SPATA24: variants seen among roughly 807,000 people sequenced by gnomAD.
SPATA24 encodes the protein spermatogenesis-associated protein 24.
A neutral mutation model predicts 28.9 loss-of-function variants in SPATA24; 21 were observed. The observed-to-expected ratio is 0.73, with a 90% CI of 0.52 to 1.05. The LOEUF (loss-of-function observed/expected upper bound fraction) is 1.05, where lower values mean the gene tolerates loss of function less well. SPATA24 is among the 50% of genes least tolerant of loss of function. The pLI is 0.00. For synonymous variants in SPATA24, 76 were observed against 89.9 expected (o/e 0.85, Z 0.88); for missense variants, 215 against 242.9 (o/e 0.88, Z 0.76).
intron 1 of SPATA24, 85 bp from the exon 2 acceptor site, chr5:139,402,778 GGAT>G (rs1226407894): frequency 1.0e-6 from 1 of 1,002,380 alleles, no homozygotes; most frequent in African/African-American, 1.6e-5. Flanking sequence ...GCGGATAACA[GGAT>G]GATGCTCGTG....
chr5:139,395,091 G>C (rs889615051), downstream of SPATA24: 1 of 1,395,660 alleles, frequency 7.2e-7, no homozygotes, highest in African/African-American at 1.5e-5. Context: ...TGGTGGGGCC[G>C]GACGCCGTGC....
At chr5:139,402,206 T>C (rs1026287269) in intron 2 of SPATA24, among the ~76,000 whole-genome samples, 161 bp from the exon 3 acceptor site, 1 of 150,728 alleles carries the variant, frequency 6.6e-6, no homozygotes, top group African/African-American at 2.4e-5. Flanking sequence ...GGCCGACCTT[T>C]CTTTTTTCTT....
downstream of SPATA24, chr5:139,393,752 C>A: frequency 6.4e-7 from 1 of 1,551,382 alleles, no homozygotes; most frequent in African/African-American, 1.4e-5. Context: ...GTTTCCTCGA[C>A]GGCAGGATTT....
chr5:139,400,369 T>C (rs1366450754), intron 4 of SPATA24, among the ~76,000 whole-genome samples: 1 of 149,152 alleles, frequency 6.7e-6, no homozygotes, highest in Non-Finnish European at 1.5e-5. Context: ...CGCAATGGCA[T>C]GATCCTGGCT....
At chr5:139,392,795 C>A, downstream of SPATA24, 1 of 1,469,780 alleles carries the variant, frequency 6.8e-7, no homozygotes, top group Non-Finnish European at 9.0e-7. This position sits in a 1 kb window ranked among gnomAD's most constrained non-coding sequence, Gnocchi z 5.8. Flanking sequence ...TGGGCCTCTA[C>A]ATCCCTGTTC....
In SPATA24 at chr5:139,397,088, C is replaced by T; in HGVS notation, c.441G>A (p.Glu147=). The T allele has an allele frequency of 1.9e-6, 3 of 1,551,972 alleles. No homozygotes were observed. The highest frequency in any genetic ancestry group is 2.6e-6 in the Non-Finnish European group (3 of 1,147,046). ...QEDILNGKEN[E]IKELQQVISQ... The stretch of plus-strand genomic sequence containing the variant: ...TGATAACTTGCTGCAACTCTTTAAT[C>T]TCATTCTCTTTGCCATTAAGTATAT... Residue 147 remains glutamate (E), a synonymous_variant, in exon 5 of 6, where the codon GAG becomes GAA. Coordinates refer to ENST00000450845, the MANE Select transcript of SPATA24 (RefSeq NM_194296.2).
rs985411152 is a variant in SPATA24, at chr5:139,401,761, A to C, written c.379T>G (p.Cys127Gly). 24 of 1,551,448 alleles carry C rather than the reference A, an allele frequency of 1.5e-5. No individual in the cohort carries two copies. The African/African-American group carries it at 2.3e-4, about 15-fold the overall frequency. Residue 127 changes from cysteine (C) to glycine (G), a missense_variant, in exon 4 of 6, where the codon TGC (cysteine) becomes GGC (glycine). Coordinates refer to ENST00000450845, the MANE Select transcript of SPATA24 (RefSeq NM_194296.2). ...GCACGGGCCTCCCGCCTACCATTGC[A>C]CTTGGTGATGAGCTGGTCCTTCTTG... ...SSKKDQLITK[C>G]NEIESHIIKQ...
chr5:139,395,228 A>C, downstream of SPATA24: 1 of 755,380 alleles, frequency 1.3e-6, no homozygotes, highest in Non-Finnish European at 1.9e-6. Context: ...CGCCGGCAGC[A>C]GAAAAGACCT....
chr5:139,393,490 A>G (rs535719316), downstream of SPATA24: 5 of 1,551,596 alleles, frequency 3.2e-6, no homozygotes, highest in East Asian at 2.4e-5. Flanking sequence ...AGTAAATGCT[A>G]TCGATGAGCC....
At chr5:139,400,007 G>A (rs1257212759) in intron 4 of SPATA24, among the ~76,000 whole-genome samples, 3 of 152,310 alleles carry the variant, frequency 2.0e-5, no homozygotes, top group Non-Finnish European at 2.9e-5. Flanking sequence ...CAATGGTCTC[G>A]AGCATGGGGG....
downstream of SPATA24, chr5:139,394,423 G>T: frequency 7.2e-7 from 1 of 1,395,976 alleles, no homozygotes. Context: ...GGCCGCCCTT[G>T]GGGGACTCTG....
downstream of SPATA24, chr5:139,393,582 G>C: frequency 6.4e-7 from 1 of 1,550,992 alleles, no homozygotes; most frequent in Non-Finnish European, 8.7e-7. Flanking sequence ...ACGGGAAGAA[G>C]GCCGGCGGGG....
downstream of SPATA24, chr5:139,394,250 C>T (rs529296013): frequency 5.2e-4 from 810 of 1,546,692 alleles, 1 homozygote; most frequent in Middle Eastern, 2.2e-3. Context: ...GTCTCAGGTT[C>T]CGACCGCCCC....
At chr5:139,396,381 A>T (rs1333762678), downstream of SPATA24, 2 of 985,188 alleles carry the variant, frequency 2.0e-6, no homozygotes, top group Non-Finnish European at 2.4e-6. Flanking sequence ...CGTTTGGGGG[A>T]GGTGTCAGCA....
intron 4 of SPATA24, among the ~76,000 whole-genome samples, chr5:139,400,223 C>T (rs917255420): frequency 6.6e-6 from 1 of 152,090 alleles, no homozygotes; most frequent in Non-Finnish European, 1.5e-5. Flanking sequence ...GGACCTTGAA[C>T]CTCTTGCGCT....
chr5:139,395,218 C>T, downstream of SPATA24: 2 of 878,398 alleles, frequency 2.3e-6, no homozygotes, highest in South Asian at 2.6e-5. Flanking sequence ...GAGCCAGCGG[C>T]GCCGGCAGCA....
downstream of SPATA24, chr5:139,393,671 G>C: frequency 6.4e-7 from 1 of 1,550,918 alleles, no homozygotes; most frequent in Non-Finnish European, 8.7e-7. Flanking sequence ...TCGAGGGACG[G>C]GCTCCTTTCC....
In SPATA24 at chr5:139,401,966, A is replaced by G; in HGVS notation, c.263T>C (p.Val88Ala). The G allele has an allele frequency of 6.4e-7, 1 of 1,551,460 alleles. No homozygotes were observed. The highest frequency in any genetic ancestry group is 8.7e-7 in the Non-Finnish European group (1 of 1,146,954). The change falls in exon 3 of 6, where the codon GTA (valine) becomes GCA (alanine). Residue 88 changes from valine (V) to alanine (A), a missense_variant. Coordinates refer to ENST00000450845, the MANE Select transcript of SPATA24 (RefSeq NM_194296.2). ...EEKLQFALGE[V>A]EVLSKQLEKE... Reference sequence around the variant, plus strand: ...CTCCAGCTGCTTGGATAGCACCTCTACCTCTCCGAGGGCAAACTGTAACTT... The same window carrying G: ...CTCCAGCTGCTTGGATAGCACCTCTGCCTCTCCGAGGGCAAACTGTAACTT...
At chr5:139,396,584 T>G, downstream of SPATA24, 1 of 1,375,610 alleles carries the variant, frequency 7.3e-7, no homozygotes. Flanking sequence ...ACCAGGGCTG[T>G]TTATATAGGA....
Sources: gnomAD v4.1 joint callset for allele counts (sites outside exome capture counted in the v4.1 genomes callset) on GRCh38, gnomAD v4.1.1 for gene constraint, Gnocchi (gnomAD v3.1) non-coding constraint, MANE v1.5 for transcripts, NCBI Gene and HGNC (gene_info 2026-07-23, HGNC 2026-07-21) for gene names.